PARN: variants seen among roughly 807,000 people sequenced by gnomAD.
PARN encodes the protein poly(A)-specific ribonuclease, also known as poly(A)-specific ribonuclease PARN.
Under a neutral mutation model 102.8 loss-of-function variants are expected in PARN, and 71 were observed. The ratio of observed to expected loss-of-function variants is 0.69; its 90% CI spans 0.57 to 0.84. The LOEUF is 0.84. PARN is among the 40% of genes least tolerant of loss of function. The pLI, the probability that PARN is intolerant of heterozygous loss-of-function variation, is 0.00. For missense variants in PARN, 782 were observed against 760.9 expected (o/e 1.03, Z -0.33); for synonymous variants, 261 against 252.9 (o/e 1.03, Z -0.30).
chr16:14,521,077 T>C (rs963115227), intron 21 of PARN, among the ~76,000 whole-genome samples: 2 of 152,246 alleles, frequency 1.3e-5, no homozygotes, highest in East Asian at 3.8e-4. Context: ...ATAGCTTCAG[T>C]AAGGTAAAAG....
At chr16:14,565,610 C>T (rs1296116115) in intron 18 of PARN, among the ~76,000 whole-genome samples, 1 of 152,250 alleles carries the variant, frequency 6.6e-6, no homozygotes, top group Non-Finnish European at 1.5e-5. Flanking sequence ...TCTAAGTCAA[C>T]ATCTTTTACA....
At chr16:14,479,172 A>G (rs1324659521) in intron 22 of PARN, among the ~76,000 whole-genome samples, 2 of 152,174 alleles carry the variant, frequency 1.3e-5, no homozygotes, top group Non-Finnish European at 2.9e-5. Context: ...TAATACTAAC[A>G]CTTTAGGAGG....
At chr16:14,457,357 T>G (rs1961724102) in intron 22 of PARN, among the ~76,000 whole-genome samples, 1 of 152,168 alleles carries the variant, frequency 6.6e-6, no homozygotes, top group Admixed American at 6.5e-5. Context: ...ACTTTCATGG[T>G]GAATTCGAAT....
At chr16:14,567,214 C>A (rs889920031) in intron 18 of PARN, among the ~76,000 whole-genome samples, 3 of 152,134 alleles carry the variant, frequency 2.0e-5, no homozygotes, top group Non-Finnish European at 4.4e-5. Flanking sequence ...AAAAATGCAT[C>A]TTGTATATTA....
intron 12 of PARN, among the ~76,000 whole-genome samples, chr16:14,597,202 C>G (rs770356305): frequency 2.0e-5 from 3 of 152,010 alleles, no homozygotes; most frequent in Admixed American, 6.6e-5. Flanking sequence ...TGCTGATAGA[C>G]GATAATATTA....
intron 22 of PARN, among the ~76,000 whole-genome samples, chr16:14,467,837 TAAAAG>T (rs1962455693): frequency 6.6e-6 from 1 of 152,204 alleles, no homozygotes; most frequent in Non-Finnish European, 1.5e-5. Flanking sequence ...TTTATACTGT[TAAAAG>T]AAAGAAAACA....
chr16:14,520,177 C>T lies in PARN; in HGVS notation c.1480+31844G>A, dbSNP rs1204193222. Among the ~76,000 whole-genome samples the T allele has an allele frequency of 2.6e-5, 4 of 152,220 alleles. No homozygotes were observed. The East Asian group carries it at 5.8e-4, about 22-fold the overall frequency. ...TCAGACTGTAAGAAATGCTACAGGA[C>T]GAATAACCTTGCTTCTTCAACAAAC... is the stretch of plus-strand genomic sequence containing the variant. On this transcript the variant is annotated intron_variant, in intron 21 of 23. Coordinates refer to ENST00000437198, the MANE Select transcript of PARN (RefSeq NM_002582.4).
At chr16:14,596,788 CT>C (rs200386556) in intron 12 of PARN, among the ~76,000 whole-genome samples, 1,360 of 135,610 alleles carry the variant, frequency 0.01, 10 homozygotes, top group African/African-American at 0.029. Flanking sequence ...TTTTTCTTTC[CT>C]TTTTTTTTTT....
chr16:14,620,968 G>A (rs761742168), intron 5 of PARN, among the ~76,000 whole-genome samples: 39 of 152,204 alleles, frequency 2.6e-4, no homozygotes, highest in Non-Finnish European at 2.9e-4. Context: ...GGTAAATACC[G>A]TATATATCTT....
intron 18 of PARN, among the ~76,000 whole-genome samples, chr16:14,559,721 A>G (rs888449145): frequency 1.8e-4 from 28 of 152,116 alleles, no homozygotes; most frequent in African/African-American, 5.3e-4. Flanking sequence ...TTTACTCCAC[A>G]TTACCTTACA....
intron 22 of PARN, among the ~76,000 whole-genome samples, chr16:14,454,900 G>A (rs1165667850): frequency 2.0e-5 from 3 of 152,158 alleles, no homozygotes; most frequent in African/African-American, 7.2e-5. Flanking sequence ...GTTCTATAAA[G>A]TAAGATATAA....
chr16:14,602,114 G>A (rs1398879679), intron 11 of PARN: 5 of 151,382 alleles, frequency 3.3e-5, no homozygotes, highest in African/African-American at 1.2e-4. Context: ...TGCACTTTTA[G>A]TAGAGATAGG....
intron 22 of PARN, among the ~76,000 whole-genome samples, chr16:14,470,210 G>A (rs897406928): frequency 6.6e-6 from 1 of 152,032 alleles, no homozygotes; most frequent in South Asian, 2.1e-4. Context: ...AAAATCCTGA[G>A]ATGACACAGT....
At chr16:14,544,654 T>C (rs1259146351) in intron 21 of PARN, among the ~76,000 whole-genome samples, 1 of 152,172 alleles carries the variant, frequency 6.6e-6, no homozygotes, top group East Asian at 1.9e-4. Context: ...TAATATCAGA[T>C]AAGGTAGACT....
At chr16:14,565,771 G>A (rs1968391069) in intron 18 of PARN, among the ~76,000 whole-genome samples, 1 of 152,230 alleles carries the variant, frequency 6.6e-6, no homozygotes, top group Admixed American at 6.5e-5. Context: ...GTGGAGCACA[G>A]GCTTGATTAT....
intron 21 of PARN, among the ~76,000 whole-genome samples, chr16:14,528,592 A>G (rs1966136375): frequency 6.6e-6 from 1 of 152,132 alleles, no homozygotes; most frequent in African/African-American, 2.4e-5. Flanking sequence ...GTGATATTTT[A>G]TTGTCTGGAT....
intron 6 of PARN, among the ~76,000 whole-genome samples, chr16:14,615,222 G>T (rs960671622): frequency 6.6e-6 from 1 of 151,540 alleles, no homozygotes. Context: ...CCTGACTATC[G>T]TGACTAAAAT....
intron 18 of PARN, among the ~76,000 whole-genome samples, chr16:14,575,475 C>T (rs1969070569): frequency 6.6e-6 from 1 of 152,130 alleles, no homozygotes; most frequent in Non-Finnish European, 1.5e-5. Context: ...ATTTGACTGC[C>T]CTGCTGGATT....
At chr16:14,566,157 G>GTGC (rs1460894952) in intron 18 of PARN, among the ~76,000 whole-genome samples, 1 of 152,142 alleles carries the variant, frequency 6.6e-6, no homozygotes, top group African/African-American at 2.4e-5. Flanking sequence ...GAACCTCTGA[G>GTGC]TGCTACCTTA....
Sources: gnomAD v4.1 joint callset for allele counts (sites outside exome capture counted in the v4.1 genomes callset) on GRCh38, gnomAD v4.1.1 for gene constraint, MANE v1.5 for transcripts, NCBI Gene and HGNC (gene_info 2026-07-23, HGNC 2026-07-21) for gene names.